NFATC2IP: variants seen among roughly 807,000 people sequenced by gnomAD.
NFATC2IP encodes nuclear factor of activated T cells 2 interacting protein.
Under a neutral mutation model 40.2 loss-of-function variants are expected in NFATC2IP, and 25 were observed. That is an observed-to-expected ratio of 0.62 (90% CI 0.45 to 0.87). The LOEUF (loss-of-function observed/expected upper bound fraction) is 0.87, where lower values mean the gene tolerates loss of function less well. NFATC2IP is among the 40% of genes least tolerant of loss of function. NFATC2IP has a pLI of 0.00. For synonymous variants in NFATC2IP, 241 were observed against 236.3 expected, an observed-to-expected ratio of 1.02 and a Z score of -0.18; for missense variants, 553 against 555.6, an observed-to-expected ratio of 1.00 and a Z score of 0.05.
At chr16:28,959,176 AGGATG>A (rs1173547353) in intron 7 of NFATC2IP, 76 bp downstream of exon 7, 11 of 904,938 alleles carry the variant, frequency 1.2e-5, no homozygotes, top group Non-Finnish European at 2.0e-5. Flanking sequence ...CAGTTAATGG[AGGATG>A]GATTCCCCTA....
chr16:28,955,883 C>A (rs1386006537), intron 3 of NFATC2IP, 95 bp from the exon 4 acceptor site: 3 of 1,011,374 alleles, frequency 3.0e-6, no homozygotes, highest in Non-Finnish European at 3.1e-6. Flanking sequence ...GCCATTGCGT[C>A]CGACTATGCT....
intron 3 of NFATC2IP, 132 bp from the exon 4 acceptor site, chr16:28,955,846 C>G: frequency 1.3e-6 from 1 of 746,188 alleles, no homozygotes. Flanking sequence ...GGCTCAGCCT[C>G]CAAAAGTGCT....
intron 7 of NFATC2IP, among the ~76,000 whole-genome samples, chr16:28,961,413 A>G (rs2141647758): frequency 6.6e-6 from 1 of 151,278 alleles, no homozygotes; most frequent in African/African-American, 2.4e-5. Context: ...TTATTCCAGC[A>G]GCACCCCACT....
In NFATC2IP at chr16:28,951,089, CG is replaced by C; in HGVS notation, c.80del (p.Gly27ValfsTer19). 4 of 1,541,666 alleles carry C rather than the reference CG, an allele frequency of 2.6e-6. No individual in the cohort carries two copies. The highest frequency in any genetic ancestry group is 2.6e-6 in the Non-Finnish European group (3 of 1,142,644). ...GCCGAGGGGGTCGGGGCGGCTGGGGCGGTCGGGGCCGGCGTCCTCGGGCCCA... is the reference window on the plus strand; with the variant it reads ...GCCGAGGGGGTCGGGGCGGCTGGGGCGTCGGGGCCGGCGTCCTCGGGCCCA... The part of the protein sequence containing the change: ...AGRGGRGGWG[G>X]RGRRPRAQRS... On this transcript the variant is annotated frameshift_variant, in exon 1 of 8. Coordinates refer to ENST00000320805, the MANE Select transcript of NFATC2IP (RefSeq NM_032815.4).
intron 5 of NFATC2IP, 141 bp from the exon 6 acceptor site, chr16:28,958,576 C>A (rs1482481458): frequency 1.4e-6 from 1 of 723,402 alleles, no homozygotes; most frequent in South Asian, 1.8e-5. Flanking sequence ...TTATTCTATA[C>A]CTTGCCAGGT....
At chr16:28,952,050 T>C in intron 1 of NFATC2IP, 82 bp from the exon 2 acceptor site, 1 of 1,589,100 alleles carries the variant, frequency 6.3e-7, no homozygotes, top group East Asian at 2.2e-5. Context: ...GAGCTGGGTG[T>C]CAGGGAAGAA....
intron 7 of NFATC2IP, among the ~76,000 whole-genome samples, chr16:28,960,912 TAGG>T (rs1965078120): frequency 6.6e-6 from 1 of 152,226 alleles, no homozygotes; most frequent in Non-Finnish European, 1.5e-5. Context: ...GTTAAGATGA[TAGG>T]AGATTTCTCT....
At chr16:28,962,906 G>A (rs183730554) in intron 7 of NFATC2IP, among the ~76,000 whole-genome samples, 1 of 152,292 alleles carries the variant, frequency 6.6e-6, no homozygotes, top group East Asian at 1.9e-4. Context: ...GTCCCAGGCT[G>A]GGTGCGGGGG....
intron 7 of NFATC2IP, among the ~76,000 whole-genome samples, chr16:28,959,653 G>A (rs558807285): frequency 2.1e-5 from 3 of 145,870 alleles, no homozygotes; most frequent in Non-Finnish European, 4.5e-5. Context: ...GCTCACTGCA[G>A]CCTCTGCCTT....
In NFATC2IP at chr16:28,966,170, G is replaced by A. The variant is rs1965144000; in HGVS notation, c.*2307G>A. 1 of 152,168 alleles carries A rather than the reference G, an allele frequency of 6.6e-6. No individual in the cohort carries two copies. 9.4% of individuals were successfully genotyped at this position (152,168 alleles called of 1,614,324 possible). A position where few individuals can be genotyped will look rare whatever the true frequency, so the allele number is the denominator to read the frequency against. On this transcript the variant is annotated 3_prime_UTR_variant, in exon 8 of 8. Transcript: ENST00000320805. The stretch of plus-strand genomic sequence containing the variant: ...GTTAAGATATTTTACATCTTCTCCT[G>A]TTAGCTGTTCAGCTTTTCCTTTCAT...
chr16:28,961,417 C>T (rs1965085572), intron 7 of NFATC2IP, among the ~76,000 whole-genome samples: 1 of 151,722 alleles, frequency 6.6e-6, no homozygotes, highest in Middle Eastern at 3.4e-3. Flanking sequence ...TCCAGCAGCA[C>T]CCCACTTTTG....
intron 4 of NFATC2IP, 44 bp from the exon 5 acceptor site, chr16:28,956,107 G>C: frequency 1.2e-6 from 2 of 1,613,440 alleles, no homozygotes; most frequent in Non-Finnish European, 1.7e-6. Flanking sequence ...CAATCCGGGA[G>C]GGTGGCTGAC....
At chr16:28,961,683 G>A (rs1047269900) in intron 7 of NFATC2IP, among the ~76,000 whole-genome samples, 1 of 151,886 alleles carries the variant, frequency 6.6e-6, no homozygotes, top group Non-Finnish European at 1.5e-5. Context: ...GGCGGATCAC[G>A]AGGTCAGGAG....
At chr16:28,960,120 ATG>A in intron 7 of NFATC2IP, among the ~76,000 whole-genome samples, 1 of 152,022 alleles carries the variant, frequency 6.6e-6, no homozygotes, top group Non-Finnish European at 1.5e-5. Flanking sequence ...GGTGTTCTCC[ATG>A]TGTCTCTGTC....
At chr16:28,960,534 A>G (rs572464676) in intron 7 of NFATC2IP, among the ~76,000 whole-genome samples, 1 of 152,120 alleles carries the variant, frequency 6.6e-6, no homozygotes, top group Non-Finnish European at 1.5e-5. Flanking sequence ...CTGGGACAAA[A>G]TTCCTCTCTC....
intron 2 of NFATC2IP, among the ~76,000 whole-genome samples, chr16:28,954,362 T>C (rs956560661): frequency 6.6e-6 from 1 of 152,168 alleles, no homozygotes; most frequent in Admixed American, 6.6e-5. Flanking sequence ...TAATTTTAAG[T>C]TAATATGAGC....
intron 7 of NFATC2IP, among the ~76,000 whole-genome samples, chr16:28,961,580 T>A (rs112206395): frequency 6.6e-6 from 1 of 151,862 alleles, no homozygotes; most frequent in East Asian, 1.9e-4. Flanking sequence ...AAACTCAGGA[T>A]TTTTTTCTTT....
At chr16:28,952,355 T>C in intron 2 of NFATC2IP, 151 bp downstream of exon 2, 1 of 1,214,940 alleles carries the variant, frequency 8.2e-7, no homozygotes, top group Non-Finnish European at 1.1e-6. Flanking sequence ...AGGAGCTGGA[T>C]TGTTAACAAG....
rs1267248705 is a variant in NFATC2IP at position 28,958,794 on chromosome 16, T to C, written c.924T>C (p.Phe308=). The C allele has an allele frequency of 8.5e-5, 137 of 1,613,994 alleles. No individual in the cohort carries two copies. The highest frequency in any genetic ancestry group is 1.1e-4 in the Non-Finnish European group (135 of 1,179,992). The change falls in exon 6 of 8, where the codon TTT becomes TTC. Residue 308 remains phenylalanine (F), a synonymous_variant. Transcript: ENST00000320805. The part of the protein sequence containing the change: ...GVSPSRILLL[F]GETELSPTAT... ...CCCCAAGCAGGATCCTTTTGCTTTT[T>C]GGAGAGACAGAGCTATCACCTACTG...
Sources: gnomAD v4.1 joint callset for allele counts (sites outside exome capture counted in the v4.1 genomes callset) on GRCh38, gnomAD v4.1.1 for gene constraint, MANE v1.5 for transcripts, NCBI Gene and HGNC (gene_info 2026-07-23, HGNC 2026-07-21) for gene names.